PPP3CB: variants seen among roughly 807,000 people sequenced by gnomAD.
PPP3CB encodes the protein protein phosphatase 3 catalytic subunit beta.
A neutral mutation model predicts 66.4 loss-of-function variants in PPP3CB; 8 were observed. That is an observed-to-expected ratio of 0.12 (90% CI 0.07 to 0.22). The LOEUF (loss-of-function observed/expected upper bound fraction) is 0.22, where lower values mean the gene tolerates loss of function less well. Ranked by LOEUF, PPP3CB falls within the 10% of genes least tolerant of loss-of-function variation. The pLI is 1.00. For synonymous variants in PPP3CB, 208 were observed against 221.2 expected (o/e 0.94, Z 0.53); for missense variants, 319 against 642.5 (o/e 0.50, Z 5.44).
At chr10:73,463,898 G>C (rs2056573167) in intron 9 of PPP3CB, among the ~76,000 whole-genome samples, 2 of 152,024 alleles carry the variant, frequency 1.3e-5, no homozygotes, top group Non-Finnish European at 2.9e-5. Flanking sequence ...GCCTCCCAAA[G>C]TGCTGAGATT....
At chr10:73,484,916 G>T (rs1417740016) in intron 1 of PPP3CB, among the ~76,000 whole-genome samples, 1 of 152,028 alleles carries the variant, frequency 6.6e-6, no homozygotes, top group African/African-American at 2.4e-5. Context: ...GCCCGGGCAT[G>T]GTGGTGCACA....
chr10:73,484,398 G>A (rs537107108), intron 1 of PPP3CB, among the ~76,000 whole-genome samples: 1 of 151,830 alleles, frequency 6.6e-6, no homozygotes, highest in Non-Finnish European at 1.5e-5. Flanking sequence ...AGCCTCCCGA[G>A]TAGCTGGGAC....
chr10:73,463,380 T>A (rs907626581), intron 9 of PPP3CB, among the ~76,000 whole-genome samples: 10 of 152,240 alleles, frequency 6.6e-5, no homozygotes, highest in African/African-American at 2.2e-4. Flanking sequence ...TCACCATTTA[T>A]CAAAGTTCCA....
intron 10 of PPP3CB, among the ~76,000 whole-genome samples, chr10:73,452,009 G>A (rs546571484): frequency 1.3e-5 from 2 of 151,638 alleles, no homozygotes; most frequent in South Asian, 4.2e-4. Flanking sequence ...GCCTCCCAAA[G>A]TGCTGGGATT....
intron 11 of PPP3CB, 130 bp from the exon 12 acceptor site, chr10:73,444,952 A>G (rs1237133382): frequency 1.1e-6 from 1 of 900,878 alleles, no homozygotes; most frequent in East Asian, 2.7e-5. Context: ...ATTTTCCTCA[A>G]TTTCAAGACA....
intron 13 of PPP3CB, 142 bp from the exon 14 acceptor site, chr10:73,438,562 C>T (rs1282882431): frequency 1.4e-6 from 1 of 696,600 alleles, no homozygotes; most frequent in Non-Finnish European, 2.4e-6. Flanking sequence ...GAATCCTATC[C>T]TCATTTCAGT....
At chr10:73,472,697 A>AT (rs1007058221) in intron 4 of PPP3CB, among the ~76,000 whole-genome samples, 26 of 152,110 alleles carry the variant, frequency 1.7e-4, no homozygotes, top group African/African-American at 6.0e-4. Context: ...AGGTTCATCC[A>AT]TTTTTTCTGA....
chr10:73,464,917 A>T (rs1183193979), intron 9 of PPP3CB, among the ~76,000 whole-genome samples: 1 of 151,776 alleles, frequency 6.6e-6, no homozygotes, highest in Non-Finnish European at 1.5e-5. Context: ...ACTGCATTCC[A>T]GCCTGGGCAA....
chr10:73,449,536 A>G (rs1166933268), intron 10 of PPP3CB, among the ~76,000 whole-genome samples: 2 of 152,234 alleles, frequency 1.3e-5, no homozygotes, highest in Non-Finnish European at 2.9e-5. Flanking sequence ...ACTGCAACAC[A>G]TATGGATTAT....
At chr10:73,448,300 A>C (rs2056291773) in intron 10 of PPP3CB, among the ~76,000 whole-genome samples, 1 of 152,230 alleles carries the variant, frequency 6.6e-6, no homozygotes, top group Non-Finnish European at 1.5e-5. Flanking sequence ...ATCAGTCTAC[A>C]AACACATCAT....
At chr10:73,463,933 CCT>C (rs2132887359) in intron 9 of PPP3CB, among the ~76,000 whole-genome samples, 1 of 151,620 alleles carries the variant, frequency 6.6e-6, no homozygotes, top group South Asian at 2.1e-4. Context: ...CTGCGCCCGG[CCT>C]CTCCTCTTTT....
intron 3 of PPP3CB, among the ~76,000 whole-genome samples, chr10:73,476,899 C>A (rs2056799095): frequency 6.6e-6 from 1 of 152,078 alleles, no homozygotes; most frequent in African/African-American, 2.4e-5. Flanking sequence ...TCTAGAACTT[C>A]CTTCCACTCT....
intron 10 of PPP3CB, 51 bp from the exon 11 acceptor site, chr10:73,446,624 T>C (rs1452381125): frequency 2.0e-6 from 3 of 1,511,584 alleles, no homozygotes; most frequent in Non-Finnish European, 2.8e-6. Context: ...AGGGCATGCA[T>C]GCTTACAATA....
At chr10:73,447,660 T>A (rs2056279222) in intron 10 of PPP3CB, among the ~76,000 whole-genome samples, 2 of 151,962 alleles carry the variant, frequency 1.3e-5, no homozygotes, top group African/African-American at 4.8e-5. Context: ...CAATTACATA[T>A]AATTAAAAAC....
At chr10:73,485,955 T>A (rs1209834317) in intron 1 of PPP3CB, among the ~76,000 whole-genome samples, 13 of 148,236 alleles carry the variant, frequency 8.8e-5, no homozygotes, top group South Asian at 4.2e-4. Context: ...TGTGTGTATT[T>A]TTTTTTTTCA....
intron 11 of PPP3CB, among the ~76,000 whole-genome samples, chr10:73,446,039 G>A (rs1316589429): frequency 2.0e-5 from 3 of 151,434 alleles, no homozygotes; most frequent in Admixed American, 6.6e-5. Context: ...GAGCCACCAC[G>A]CCTGGCCAGG....
chr10:73,495,672 G>C (rs2057192231), intron 1 of PPP3CB, 133 bp downstream of exon 1: 3 of 1,342,790 alleles, frequency 2.2e-6, no homozygotes, highest in Non-Finnish European at 2.9e-6. Flanking sequence ...CCGCCCAGGG[G>C]CCACTCCCCA....
chr10:73,478,658 A>G (rs1030140347), intron 2 of PPP3CB, 35 bp from the exon 3 acceptor site: 54 of 1,589,202 alleles, frequency 3.4e-5, no homozygotes, highest in Non-Finnish European at 4.3e-5. Context: ...AGGGAAAAAA[A>G]TCTCTAAAAC....
At chr10:73,452,387 C>A (rs562394655) in intron 10 of PPP3CB, among the ~76,000 whole-genome samples, 2 of 152,006 alleles carry the variant, frequency 1.3e-5, no homozygotes, top group African/African-American at 4.8e-5. Context: ...AACAGGGAAA[C>A]AAAATATCTA....
Sources: allele counts gnomAD v4.1 joint callset (sites outside exome capture counted in the v4.1 genomes callset), GRCh38; gene constraint gnomAD v4.1.1; transcripts MANE v1.5; gene names NCBI Gene and HGNC (gene_info 2026-07-23, HGNC 2026-07-21).